Variants in RSAD2 observed in about 807,000 individuals in gnomAD.
The protein encoded by RSAD2 is radical S-adenosyl methionine domain containing 2, also known as S-adenosylmethionine-dependent nucleotide dehydratase RSAD2.
In RSAD2, 38 loss-of-function variants were observed where a neutral mutation model predicts 37.7. The ratio of observed to expected loss-of-function variants is 1.01; its 90% CI spans 0.78 to 1.32. RSAD2 has a LOEUF of 1.32. Ranked by LOEUF, RSAD2 falls within the 40% of genes most tolerant of loss-of-function variation. The pLI is 0.00. For missense variants in RSAD2, 428 were observed against 437.5 expected (o/e 0.98, Z 0.19); for synonymous variants, 163 against 157.4 (o/e 1.04, Z -0.27).
intron 1 of RSAD2, among the ~76,000 whole-genome samples, chr2:6,881,898 T>G (rs1045214991): frequency 1.4e-5 from 2 of 146,332 alleles, no homozygotes; most frequent in Non-Finnish European, 3.0e-5. Context: ...AGGCAGGTGG[T>G]TGTGTAATGC....
chr2:6,868,125 G>A (rs1572149572), intron 1 of RSAD2, among the ~76,000 whole-genome samples: 1 of 151,822 alleles, frequency 6.6e-6, no homozygotes, highest in African/African-American at 2.4e-5. Flanking sequence ...TATATCATAG[G>A]AAAAGCCATA....
intron 1 of RSAD2, chr2:6,879,028 C>T (rs1436786103): frequency 2.6e-5 from 12 of 459,256 alleles, no homozygotes; most frequent in Non-Finnish European, 4.8e-5. Flanking sequence ...TGCTGCACTC[C>T]AGCCACTACC....
At chr2:6,892,173 C>T (rs1663648160) in intron 4 of RSAD2, among the ~76,000 whole-genome samples, 1 of 152,112 alleles carries the variant, frequency 6.6e-6, no homozygotes, top group Admixed American at 6.6e-5. Flanking sequence ...AAAATCTCTA[C>T]CCCATATGTT....
intron 1 of RSAD2, among the ~76,000 whole-genome samples, chr2:6,866,831 T>TTA (rs1553317633): frequency 7.3e-5 from 11 of 151,548 alleles, no homozygotes; most frequent in South Asian, 4.2e-4. Context: ...GTTTTTTTTT[T>TTA]ATGTCTTAAT....
chr2:6,866,350 C>T (rs999827725), intron 1 of RSAD2: 23 of 817,644 alleles, frequency 2.8e-5, no homozygotes, highest in Non-Finnish European at 3.4e-5. Context: ...GCAGTTCTGG[C>T]TCTTCCCTCT....
intron 5 of RSAD2, 78 bp from the exon 6 acceptor site, chr2:6,895,700 T>C (rs1663759688): frequency 7.8e-7 from 1 of 1,289,562 alleles, no homozygotes; most frequent in South Asian, 1.4e-5. Flanking sequence ...CAAAAGCTAT[T>C]TGGGATTAAT....
rs1295818477 is a variant in RSAD2 at position 6,879,020 on chromosome 2, C to A, written c.346+874C>A. 1.5e-5 allele frequency: 7 copies of A among 464,572 alleles called. No homozygotes were observed. In the East Asian group the frequency reaches 4.1e-4, roughly 28 times the overall value. The allele number at this position is 464,572 out of a possible 1,614,324, so 28.8% of individuals were successfully genotyped here. A position where few individuals can be genotyped will look rare whatever the true frequency, so the allele number is the denominator to read the frequency against. On this transcript the variant is annotated intron_variant, in intron 1 of 5. Transcript: ENST00000382040. ...GCATCACCAGCGCCAGAAGTGCATG[C>A]TGCACTCCAGCCACTACCCTGGTAA...
intron 1 of RSAD2, among the ~76,000 whole-genome samples, chr2:6,871,081 C>G (rs2103235242): frequency 6.6e-6 from 1 of 152,304 alleles, no homozygotes; most frequent in South Asian, 2.1e-4. Context: ...AATGGGAAGC[C>G]TTTTTCAGTT....
At chr2:6,880,039 G>T (rs1215180816) in intron 1 of RSAD2, among the ~76,000 whole-genome samples, 1 of 151,902 alleles carries the variant, frequency 6.6e-6, no homozygotes, top group East Asian at 1.9e-4. Flanking sequence ...ATGTATTTTT[G>T]TCATAAAAGA....
intron 4 of RSAD2, among the ~76,000 whole-genome samples, chr2:6,892,837 C>G (rs972567256): frequency 1.3e-5 from 2 of 152,194 alleles, no homozygotes; most frequent in Non-Finnish European, 2.9e-5. Context: ...ATGGGTCTGG[C>G]CTGCCACCTG....
At chr2:6,865,918 C>T in exon 1 of RSAD2, 1 of 1,401,512 alleles carries the variant, frequency 7.1e-7, no homozygotes, top group East Asian at 3.5e-5. Flanking sequence ...GCGCGATAAA[C>T]GGCCGGCGCT....
intron 1 of RSAD2, 66 bp from the exon 2 acceptor site, chr2:6,883,305 A>G: frequency 3.3e-6 from 5 of 1,509,214 alleles, no homozygotes; most frequent in Non-Finnish European, 4.5e-6. Context: ...AGAAAATACT[A>G]CTTTTGCTAT....
At chr2:6,877,397 T>C (rs1343811143), upstream of RSAD2, among the ~76,000 whole-genome samples, 1 of 152,222 alleles carries the variant, frequency 6.6e-6, no homozygotes, top group Non-Finnish European at 1.5e-5. Context: ...GCAAAAACTG[T>C]TACTTGGCTA....
At chr2:6,875,678 A>G (rs977823995), upstream of RSAD2, among the ~76,000 whole-genome samples, 3 of 152,222 alleles carry the variant, frequency 2.0e-5, no homozygotes, top group Non-Finnish European at 2.9e-5. Context: ...TATCCTCACC[A>G]GGAGATTTGG....
At chr2:6,889,658 C>G (rs927947607) in intron 3 of RSAD2, among the ~76,000 whole-genome samples, 1 of 152,182 alleles carries the variant, frequency 6.6e-6, no homozygotes, top group South Asian at 2.1e-4. Context: ...GAATAATACA[C>G]TGTCCACACT....
At position 6,883,397 on chromosome 2, in the gene RSAD2, G is replaced by A. The variant is rs543954822; in HGVS notation, c.373G>A (p.Gly125Arg). Reference protein sequence around the residue: ...AGMEKINFSGGEPFLQDRGEY... With the variant: ...AGMEKINFSGREPFLQDRGEY... Reference sequence around the variant, plus strand: ...TATGGAGAAGATCAACTTTTCAGGTGGAGAGCCATTTCTTCAAGACCGGGG... The same window carrying A: ...TATGGAGAAGATCAACTTTTCAGGTAGAGAGCCATTTCTTCAAGACCGGGG... Residue 125 changes from glycine (G) to arginine (R), a missense_variant, in exon 2 of 6, where the codon GGA becomes AGA. Physicochemically the swap from Gly to Arg is moderately radical, Grantham distance 125. Transcript: ENST00000382040. 1 of 1,614,180 alleles carries A rather than the reference G, an allele frequency of 6.2e-7. No individual in the cohort carries two copies. Among genetic ancestry groups the A allele is most frequent in the Non-Finnish European group, 8.5e-7 (1 of 1,180,036 alleles).
intron 4 of RSAD2, among the ~76,000 whole-genome samples, chr2:6,893,153 A>G (rs1036983367): frequency 6.6e-6 from 1 of 152,210 alleles, no homozygotes; most frequent in African/African-American, 2.4e-5. Context: ...ATACCTTCCC[A>G]TCAACAGTGC....
intron 3 of RSAD2, 108 bp downstream of exon 3, chr2:6,887,272 G>A (rs977214232): frequency 1.4e-5 from 11 of 760,094 alleles, no homozygotes; most frequent in East Asian, 1.3e-4. Flanking sequence ...TCTGGACCTC[G>A]CAAGCCAGTC....
chr2:6,886,900 G>A lies in RSAD2; in HGVS notation c.509-35G>A, dbSNP rs1195970847. On this transcript the variant is annotated intron_variant, in intron 2 of 5. Transcript: ENST00000382040. ...AATAGCCCAAGGGGCTTGGTCCTTG[G>A]ATAGAAAAGTTTAAACATGATCATT... The A allele has an allele frequency of 1.9e-6, 3 of 1,539,946 alleles. No individual in the cohort carries two copies. The African/African-American group carries it at 4.1e-5, about 21-fold the overall frequency.
Sources: allele counts gnomAD v4.1 joint callset (sites outside exome capture counted in the v4.1 genomes callset), GRCh38; gene constraint gnomAD v4.1.1; transcripts MANE v1.5; gene names NCBI Gene and HGNC (gene_info 2026-07-23, HGNC 2026-07-21).